The following PRKD1 variants were observed in gnomAD, a reference collection of about 807,000 sequenced individuals.
PRKD1 encodes the protein protein kinase D1, also known as serine/threonine-protein kinase D1.
Under a neutral mutation model 95.9 loss-of-function variants are expected in PRKD1, and 63 were observed. The observed-to-expected ratio is 0.66, with a 90% CI of 0.54 to 0.81. The LOEUF is 0.81. Ranked by LOEUF, PRKD1 falls within the 30% of genes least tolerant of loss-of-function variation. The pLI, the probability that PRKD1 is intolerant of heterozygous loss-of-function variation, is 0.00. For missense variants in PRKD1, 1,048 were observed against 1,165.3 expected (o/e 0.90, Z 1.47); for synonymous variants, 425 against 423.1 (o/e 1.00, Z -0.05).
intron 4 of PRKD1, among the ~76,000 whole-genome samples, chr14:29,651,224 T>A (rs1304255881): frequency 2.6e-5 from 4 of 152,168 alleles, no homozygotes; most frequent in Non-Finnish European, 5.9e-5. Context: ...CTAAAAGAGC[T>A]TTGGGTTTTA....
chr14:29,927,286 T>G lies in PRKD1; in HGVS notation c.227A>C (p.His76Pro). The change falls in exon 1 of 18, where the codon CAC becomes CCC. Residue 76 changes from histidine to proline, a missense_variant. By Grantham distance (77) the His-to-Pro change is moderately conservative. Coordinates refer to ENST00000331968, the MANE Select transcript of PRKD1 (RefSeq NM_002742.3). ...AATGGAGCAAGCCATCTCGCGGACG[T>G]GCGCCAGGCTGTAGTCCCCGGACGA... ...QDSSGDYSLA[H>P]VREMACSIVD... is the part of the protein sequence containing the mutation. The G allele has an allele frequency of 6.5e-7, 1 of 1,535,726 alleles. No homozygotes were observed. Among genetic ancestry groups the G allele is most frequent in the Non-Finnish European group, 8.8e-7 (1 of 1,142,730 alleles).
chr14:29,846,106 C>T (rs1035542158), intron 1 of PRKD1, among the ~76,000 whole-genome samples: 1 of 152,078 alleles, frequency 6.6e-6, no homozygotes, highest in East Asian at 1.9e-4. Context: ...AGTGATAGTT[C>T]CTGCTCATAT....
intron 2 of PRKD1, among the ~76,000 whole-genome samples, chr14:29,696,288 A>G (rs1357688238): frequency 6.6e-6 from 1 of 152,122 alleles, no homozygotes; most frequent in Non-Finnish European, 1.5e-5. Context: ...TTTATTTTTT[A>G]TTTTTCAAAT....
intron 14 of PRKD1, 34 bp downstream of exon 14, chr14:29,599,622 A>G: frequency 6.4e-7 from 1 of 1,572,410 alleles, no homozygotes; most frequent in Non-Finnish European, 8.7e-7. Context: ...GATATTAAAT[A>G]TTGTATTTTT....
At chr14:29,672,376 T>TAAAAA (rs1566529401) in intron 2 of PRKD1, among the ~76,000 whole-genome samples, 1 of 151,434 alleles carries the variant, frequency 6.6e-6, no homozygotes, top group African/African-American at 2.4e-5. Context: ...TAAAATAAAA[T>TAAAAA]AATTAACAAT....
intron 1 of PRKD1, among the ~76,000 whole-genome samples, chr14:29,850,530 A>G (rs1892268973): frequency 6.6e-6 from 1 of 151,966 alleles, no homozygotes; most frequent in Non-Finnish European, 1.5e-5. Context: ...CAAGGAGTTG[A>G]AAGATCTCTA....
chr14:29,819,472 C>T (rs1160691432), intron 1 of PRKD1, among the ~76,000 whole-genome samples: 2 of 152,162 alleles, frequency 1.3e-5, no homozygotes, highest in Admixed American at 6.5e-5. Context: ...AGGCGGATCA[C>T]GAGGTCAGGA....
chr14:29,826,856 T>TATATACATATATATATACACAC, intron 1 of PRKD1, among the ~76,000 whole-genome samples: 1 of 96,588 alleles, frequency 1.0e-5, no homozygotes, highest in African/African-American at 4.0e-5. Flanking sequence ...TATATATATA[T>TATATACATATATATATACACAC]ATATATATAT....
intron 1 of PRKD1, among the ~76,000 whole-genome samples, chr14:29,919,983 A>G (rs918623698): frequency 8.7e-5 from 13 of 149,678 alleles, no homozygotes; most frequent in Admixed American, 4.7e-4. Flanking sequence ...AGAGAGAGAG[A>G]GAAAGAGAGG....
chr14:29,752,509 C>G (rs1887525094), intron 1 of PRKD1, among the ~76,000 whole-genome samples: 1 of 151,854 alleles, frequency 6.6e-6, no homozygotes, highest in Non-Finnish European at 1.5e-5. Context: ...TTTCCACATA[C>G]AAGCACTTTT....
intron 1 of PRKD1, among the ~76,000 whole-genome samples, chr14:29,893,466 T>C (rs1483799735): frequency 6.6e-6 from 1 of 152,086 alleles, no homozygotes; most frequent in East Asian, 1.9e-4. Context: ...CTCACATATT[T>C]GGGCCAAAGC....
intron 2 of PRKD1, among the ~76,000 whole-genome samples, chr14:29,696,528 T>C (rs1884527288): frequency 6.6e-6 from 1 of 152,188 alleles, no homozygotes; most frequent in South Asian, 2.1e-4. Flanking sequence ...TTTGCGATGA[T>C]GGAAATTTCT....
At chr14:29,594,335 C>T (rs551375073) in intron 16 of PRKD1, among the ~76,000 whole-genome samples, 1 of 152,264 alleles carries the variant, frequency 6.6e-6, no homozygotes, top group South Asian at 2.1e-4. Flanking sequence ...GAATCCTGCA[C>T]ATCGTTTTTA....
At chr14:29,716,263 T>C (rs1011705571) in intron 2 of PRKD1, among the ~76,000 whole-genome samples, 14 of 152,184 alleles carry the variant, frequency 9.2e-5, no homozygotes, top group Non-Finnish European at 1.8e-4. Flanking sequence ...GTTGAGGAAC[T>C]AGGCCTTAGG....
chr14:29,675,416 T>C (rs1012986029), intron 2 of PRKD1, among the ~76,000 whole-genome samples: 3 of 152,192 alleles, frequency 2.0e-5, no homozygotes, highest in Non-Finnish European at 2.9e-5. Context: ...CCCATCCCCA[T>C]TCTTCTGACA....
chr14:29,889,241 G>C (rs1893851663), intron 1 of PRKD1, among the ~76,000 whole-genome samples: 1 of 152,180 alleles, frequency 6.6e-6, no homozygotes, highest in South Asian at 2.1e-4. Flanking sequence ...TCTCCAAGAG[G>C]CCCATTGAAA....
chr14:29,633,466 G>A (rs45470605), intron 8 of PRKD1, among the ~76,000 whole-genome samples: 2,178 of 152,260 alleles, frequency 0.014, 44 homozygotes, highest in African/African-American at 0.043. Flanking sequence ...TTGACTCCAT[G>A]ACATCAACTT....
At chr14:29,654,335 C>T (rs573979534) in intron 4 of PRKD1, among the ~76,000 whole-genome samples, 32 of 152,110 alleles carry the variant, frequency 2.1e-4, no homozygotes, top group Non-Finnish European at 4.3e-4. Context: ...CCATGCCTGG[C>T]TAATTTTTCT....
intron 13 of PRKD1, among the ~76,000 whole-genome samples, chr14:29,616,891 TC>T (rs1878902858): frequency 6.6e-6 from 1 of 152,210 alleles, no homozygotes; most frequent in South Asian, 2.1e-4. Context: ...ACACTTGGTT[TC>T]ATTATCCAGA....
Sources: allele counts gnomAD v4.1 joint callset (sites outside exome capture counted in the v4.1 genomes callset), GRCh38; gene constraint gnomAD v4.1.1; transcripts MANE v1.5; gene names NCBI Gene and HGNC (gene_info 2026-07-23, HGNC 2026-07-21).